Variants in PPP6R3 observed in about 807,000 individuals in gnomAD.
The protein encoded by PPP6R3 is protein phosphatase 6 regulatory subunit 3, also known as serine/threonine-protein phosphatase 6 regulatory subunit 3.
A neutral mutation model predicts 110.7 loss-of-function variants in PPP6R3; 38 were observed. That is an observed-to-expected ratio of 0.34 (90% CI 0.26 to 0.45). The LOEUF is 0.45. Among genes scored for constraint, PPP6R3 ranks in the 20% least tolerant of loss-of-function variants. The probability of loss-of-function intolerance (pLI) is 1.00; values close to 1 mark genes in which losing one functional copy is unlikely to be tolerated. For missense variants in PPP6R3, 870 were observed against 1,062.4 expected (o/e 0.82, Z 2.52); for synonymous variants, 369 against 373.5 (o/e 0.99, Z 0.14).
intron 1 of PPP6R3, among the ~76,000 whole-genome samples, chr11:68,472,634 GACA>G (rs1382706563): frequency 6.8e-6 from 1 of 147,948 alleles, no homozygotes; most frequent in Admixed American, 6.7e-5. Context: ...TTTTTTTAAT[GACA>G]ACATTATTGA....
intron 15 of PPP6R3, among the ~76,000 whole-genome samples, chr11:68,584,848 C>T (rs2099573259): frequency 1.3e-5 from 2 of 152,314 alleles, no homozygotes; most frequent in African/African-American, 2.4e-5. Context: ...GCTTCCAGTA[C>T]ATTTTTCTTT....
At chr11:68,611,846 C>CT (rs1299581019) in intron 23 of PPP6R3, among the ~76,000 whole-genome samples, 1 of 152,208 alleles carries the variant, frequency 6.6e-6, no homozygotes, top group African/African-American at 2.4e-5. Flanking sequence ...GCTCACCCGT[C>CT]TTTCCTGTGT....
At chr11:68,577,625 T>G (rs538331721) in intron 14 of PPP6R3, among the ~76,000 whole-genome samples, 1 of 152,338 alleles carries the variant, frequency 6.6e-6, no homozygotes, top group African/African-American at 2.4e-5. Context: ...TCATTACAAT[T>G]CAGATAATGC....
chr11:68,496,853 C>CTTTT lies in PPP6R3; in HGVS notation c.-157-22625_-157-22622dup, dbSNP rs1157617908. On this transcript the variant is annotated intron_variant, in intron 1 of 23. Coordinates refer to ENST00000393800, the MANE Select transcript of PPP6R3 (RefSeq NM_001164161.2). Reference sequence around the variant, plus strand: ...TTTCTTAATTATTCCATATTCTTGTCTTTTTTTTTTTTTTTTTTTTTTTTT... The same window carrying CTTTT: ...TTTCTTAATTATTCCATATTCTTGTCTTTTTTTTTTTTTTTTTTTTTTTTTTTTT... Among the ~76,000 whole-genome samples the CTTTT allele has an allele frequency of 2.3e-4, 14 of 61,274 alleles. 2 individuals carry two copies. Among genetic ancestry groups the CTTTT allele is most frequent in the East Asian group, 1.6e-3 (3 of 1,872 alleles). The allele number at this position is 61,274 out of a possible 152,430, so 40.2% of individuals were successfully genotyped here.
chr11:68,466,262 G>A (rs1450120616), intron 1 of PPP6R3, among the ~76,000 whole-genome samples: 1 of 152,110 alleles, frequency 6.6e-6, no homozygotes, highest in Non-Finnish European at 1.5e-5. Context: ...GTTTTATGAG[G>A]AGGGAGATAG....
intron 1 of PPP6R3, among the ~76,000 whole-genome samples, chr11:68,474,185 C>T (rs1281351069): frequency 6.6e-6 from 1 of 152,008 alleles, no homozygotes; most frequent in Non-Finnish European, 1.5e-5. Context: ...GCTGGGACTA[C>T]AAGCACACAC....
At chr11:68,491,274 AT>A (rs1284372988) in intron 1 of PPP6R3, among the ~76,000 whole-genome samples, 2 of 149,490 alleles carry the variant, frequency 1.3e-5, no homozygotes, top group African/African-American at 4.9e-5. Flanking sequence ...TTTATTAAAA[AT>A]TTTTTTTTCA....
chr11:68,547,248 A>AC (rs1267239297), intron 4 of PPP6R3, among the ~76,000 whole-genome samples: 1 of 151,724 alleles, frequency 6.6e-6, no homozygotes, highest in Non-Finnish European at 1.5e-5. Flanking sequence ...GAGTTATCCA[A>AC]CCCCCCACGC....
At chr11:68,473,376 A>G (rs2098806047) in intron 1 of PPP6R3, among the ~76,000 whole-genome samples, 1 of 152,228 alleles carries the variant, frequency 6.6e-6, no homozygotes, top group African/African-American at 2.4e-5. Flanking sequence ...GTGCCCATAG[A>G]GGGCATGGAA....
chr11:68,467,865 T>G (rs2098759615), intron 1 of PPP6R3, among the ~76,000 whole-genome samples: 1 of 152,136 alleles, frequency 6.6e-6, no homozygotes. Flanking sequence ...ACCTCCGCCT[T>G]ACAGGTTGAA....
intron 2 of PPP6R3, among the ~76,000 whole-genome samples, chr11:68,524,996 A>G (rs564884949): frequency 6.6e-6 from 1 of 152,320 alleles, no homozygotes; most frequent in South Asian, 2.1e-4. Context: ...GCTGCCTTCT[A>G]CAAGCTGAGG....
chr11:68,535,639 G>GC (rs2099265995), intron 2 of PPP6R3: 1 of 151,764 alleles, frequency 6.6e-6, no homozygotes, highest in Admixed American at 6.6e-5. Context: ...TTTAAAACTT[G>GC]CTCCTTAAGG....
chr11:68,478,376 C>T (rs1462307982), intron 1 of PPP6R3, among the ~76,000 whole-genome samples: 2 of 152,140 alleles, frequency 1.3e-5, no homozygotes, highest in African/African-American at 4.8e-5. Flanking sequence ...GTGACTTGCA[C>T]AATTTGTCAT....
intron 18 of PPP6R3, among the ~76,000 whole-genome samples, chr11:68,592,015 G>T (rs1372765765): frequency 6.6e-6 from 1 of 152,208 alleles, no homozygotes; most frequent in African/African-American, 2.4e-5. Flanking sequence ...TCCGTCATCA[G>T]TAATTACAAC....
chr11:68,522,115 C>G (rs912923268), intron 2 of PPP6R3, among the ~76,000 whole-genome samples: 4 of 152,174 alleles, frequency 2.6e-5, no homozygotes, highest in Admixed American at 2.6e-4. Flanking sequence ...TTGATACTTG[C>G]TTTTTAGCAT....
chr11:68,556,562 A>C lies in PPP6R3; in HGVS notation c.732-2004A>C, dbSNP rs34933835. ...AAAAAAAAAAAAACGAAAAAAAAAAACAATGAGCCATTGTCCCAAAGGCAG... is the reference window on the plus strand; with the variant it reads ...AAAAAAAAAAAAACGAAAAAAAAAACCAATGAGCCATTGTCCCAAAGGCAG... On this transcript the variant is annotated intron_variant, in intron 7 of 23. Transcript: ENST00000393800. Among the ~76,000 whole-genome samples the C allele has an allele frequency of 5.1e-4, 77 of 151,810 alleles. No homozygotes were observed. In the East Asian group the frequency reaches 6.4e-3, roughly 13 times the overall value.
At chr11:68,532,951 C>A (rs1451215212) in intron 2 of PPP6R3, among the ~76,000 whole-genome samples, 1 of 152,212 alleles carries the variant, frequency 6.6e-6, no homozygotes, top group Admixed American at 6.5e-5. Flanking sequence ...AAGGATTTCT[C>A]AGTCTGTATC....
intron 18 of PPP6R3, among the ~76,000 whole-genome samples, chr11:68,592,669 G>A (rs1398870059): frequency 6.6e-6 from 1 of 152,174 alleles, no homozygotes; most frequent in Non-Finnish European, 1.5e-5. Flanking sequence ...CTCGTCTTCT[G>A]CATGTTGAGT....
At chr11:68,466,738 G>C (rs1260241024) in intron 1 of PPP6R3, among the ~76,000 whole-genome samples, 1 of 151,012 alleles carries the variant, frequency 6.6e-6, no homozygotes, top group African/African-American at 2.4e-5. Flanking sequence ...TCAGCCTCCC[G>C]AGTAGCTGGG....
Sources: gnomAD v4.1 joint callset for allele counts (sites outside exome capture counted in the v4.1 genomes callset) on GRCh38, gnomAD v4.1.1 for gene constraint, MANE v1.5 for transcripts, NCBI Gene and HGNC (gene_info 2026-07-23, HGNC 2026-07-21) for gene names.